Variants in ZMAT1 observed in about 807,000 individuals in gnomAD.
The protein encoded by ZMAT1 is zinc finger matrin-type 1, also known as zinc finger matrin-type protein 1.
ZMAT1 carries 11 observed loss-of-function variants against 18.5 expected under a neutral mutation model. That is an observed-to-expected ratio of 0.59 (90% confidence interval 0.37 to 0.98). The LOEUF is 0.98. Among genes scored for constraint, ZMAT1 ranks in the 50% least tolerant of loss-of-function variants. The pLI, the probability that ZMAT1 is intolerant of heterozygous loss-of-function variation, is 0.01. For synonymous variants in ZMAT1, 211 were observed against 176.4 expected, an observed-to-expected ratio of 1.20 and a Z score of -1.55; for missense variants, 525 against 496.2, an observed-to-expected ratio of 1.06 and a Z score of -0.55.
intron 4 of ZMAT1, among the ~76,000 whole-genome samples, chrX:101,892,372 A>G (rs1349715275): frequency 9.0e-6 from 1 of 111,669 alleles, no homozygotes; most frequent in East Asian, 2.8e-4. Context: ...TTGTTACAGC[A>G]TTAAGGTGTG....
chrX:101,905,733 T>C (rs1928568385), intron 1 of ZMAT1, among the ~76,000 whole-genome samples: 1 of 111,566 alleles, frequency 9.0e-6, no homozygotes, highest in Non-Finnish European at 1.9e-5. Context: ...TCTTAATTTT[T>C]GCAGAAAAGA....
intron 4 of ZMAT1, chrX:101,892,626 G>T: frequency 3.5e-6 from 1 of 289,113 alleles, no homozygotes; most frequent in Non-Finnish European, 4.7e-6. Context: ...GTGAAGGTGA[G>T]GCATCTGAGT....
intron 1 of ZMAT1, chrX:101,912,123 A>C: frequency 3.1e-4 from 287 of 914,594 alleles, no homozygotes; most frequent in Non-Finnish European, 3.7e-4. Flanking sequence ...GCCATAGCTC[A>C]TCCTTTTCTA....
At chrX:101,885,388 A>C (rs1379254769) in intron 5 of ZMAT1, among the ~76,000 whole-genome samples, 1 of 111,202 alleles carries the variant, frequency 9.0e-6, no homozygotes, top group African/African-American at 3.3e-5. Context: ...AAATCTAGCC[A>C]GGTGTGGTGT....
intron 2 of ZMAT1, among the ~76,000 whole-genome samples, chrX:101,898,698 C>T (rs1396559508): frequency 1.8e-5 from 2 of 111,812 alleles, no homozygotes; most frequent in Non-Finnish European, 3.8e-5. Flanking sequence ...GGAGTTTCAA[C>T]AGTCATCTTT....
At chrX:101,906,169 A>T (rs1426740439) in intron 1 of ZMAT1, among the ~76,000 whole-genome samples, 1 of 111,392 alleles carries the variant, frequency 9.0e-6, no homozygotes, top group Non-Finnish European at 1.9e-5. Context: ...GTACCAGTGG[A>T]CTCAGCCTCC....
chrX:101,902,927 T>C (rs1928350315), intron 2 of ZMAT1, among the ~76,000 whole-genome samples: 1 of 111,652 alleles, frequency 9.0e-6, no homozygotes, highest in African/African-American at 3.2e-5. Context: ...TATATGTGTG[T>C]GTGTGTGTTC....
intron 4 of ZMAT1, among the ~76,000 whole-genome samples, chrX:101,891,471 G>T (rs192907442): frequency 9.0e-6 from 1 of 111,235 alleles, no homozygotes; most frequent in African/African-American, 3.3e-5. Context: ...TTATATACAG[G>T]AGTATGAAAG....
At chrX:101,921,666 A>C (rs775009991) in intron 1 of ZMAT1, among the ~76,000 whole-genome samples, 2 of 112,122 alleles carry the variant, frequency 1.8e-5, no homozygotes, top group Middle Eastern at 4.6e-3. Flanking sequence ...ATATGGGTTG[A>C]TGGAGATCAA....
chrX:101,896,090 T>C (rs891617235), intron 4 of ZMAT1, among the ~76,000 whole-genome samples: 9 of 111,682 alleles, frequency 8.1e-5, no homozygotes, highest in Non-Finnish European at 1.3e-4. Flanking sequence ...GTCACCAAGT[T>C]TGATATGAGA....
Position 101,897,956 on chromosome X carries a change from G to C in ZMAT1, c.588C>G (p.His196Gln). Residue 196 changes from histidine (H) to glutamine (Q), a missense_variant, in exon 4 of 6, where the codon CAC becomes CAG. Transcript: ENST00000651725. Reference sequence around the variant, plus strand: ...TTTTAGCATGGACCTTTCCCACATAGTGAGACTGAGCAATAAGTGGAGAGC... The same window carrying C: ...TTTTAGCATGGACCTTTCCCACATACTGAGACTGAGCAATAAGTGGAGAGC... The part of the protein sequence containing the change: ...MFSSPLIAQS[H>Q]YVGKVHAKKL... 8.3e-7 allele frequency: 1 copy of C among 1,211,353 alleles called. No homozygotes were observed. The highest frequency in any genetic ancestry group is 1.1e-6 in the Non-Finnish European group (1 of 895,154).
chrX:101,885,856 C>CT (rs1376175118), intron 5 of ZMAT1, among the ~76,000 whole-genome samples: 1 of 110,007 alleles, frequency 9.1e-6, no homozygotes, highest in Non-Finnish European at 1.9e-5. Context: ...GCTAATTTTT[C>CT]TTTTTTCTCA....
intron 1 of ZMAT1, among the ~76,000 whole-genome samples, chrX:101,929,886 T>G (rs1256002242): frequency 9.0e-6 from 1 of 110,994 alleles, no homozygotes; most frequent in Non-Finnish European, 1.9e-5. Flanking sequence ...GTGGGGAGTT[T>G]TACTCCCTTA....
At chrX:101,896,624 A>G (rs901162069) in intron 4 of ZMAT1, among the ~76,000 whole-genome samples, 7 of 112,437 alleles carry the variant, frequency 6.2e-5, no homozygotes, top group Admixed American at 9.4e-5. Context: ...AAATTATACT[A>G]TGAGTTCAAA....
chrX:101,886,850 A>G, intron 4 of ZMAT1, 119 bp from the exon 5 acceptor site: 1 of 520,989 alleles, frequency 1.9e-6, no homozygotes, highest in Non-Finnish European at 3.1e-6. Flanking sequence ...TCCAATAAAG[A>G]TGGGGCCCAG....
chrX:101,931,995 G>T lies in ZMAT1; in HGVS notation c.14C>A (p.Pro5Gln), dbSNP rs1006595062. The change falls in exon 1 of 6, where the codon CCG becomes CAG. Residue 5 changes from proline (P) to glutamine (Q), a missense_variant. Transcript: ENST00000651725. MAAA[P>Q]STVTPLAAES... Reference sequence around the variant, plus strand: ...CGCCGCCAGCGGGGTGACTGTGCTCGGCGCCGCCGCCATCGCAGCGAGGCG... The same window carrying T: ...CGCCGCCAGCGGGGTGACTGTGCTCTGCGCCGCCGCCATCGCAGCGAGGCG... 1.3e-6 allele frequency: 1 copy of T among 767,982 alleles called. No individual in the cohort carries two copies. The highest frequency in any genetic ancestry group is 1.5e-6 in the Non-Finnish European group (1 of 648,354). 63.3% of individuals were successfully genotyped at this position (767,982 alleles called of 1,213,427 possible).
rs1231465040 is a variant in ZMAT1, at chrX:101,883,416, A to G, written c.*94T>C. The G allele has an allele frequency of 1.0e-5, 7 of 696,840 alleles. No individual in the cohort carries two copies. The Admixed American group carries it at 1.8e-4, about 18-fold the overall frequency. 57.4% of individuals were successfully genotyped at this position (696,840 alleles called of 1,213,427 possible). A position where few individuals can be genotyped will look rare whatever the true frequency, so the allele number is the denominator to read the frequency against. On this transcript the variant is annotated 3_prime_UTR_variant, in exon 6 of 6. Coordinates refer to ENST00000651725, the MANE Select transcript of ZMAT1 (RefSeq NM_001394560.1). ...TCCTGAAGTGACACTGACTGTATCT[A>G]CCTCTCCTTTTCTTCATCAGGTGTT...
Position 101,882,824 on chromosome X carries a change from G to T in ZMAT1, c.*686C>A, listed in dbSNP as rs1046774. On this transcript the variant is annotated 3_prime_UTR_variant, in exon 6 of 6. Coordinates refer to ENST00000651725, the MANE Select transcript of ZMAT1 (RefSeq NM_001394560.1). ...TCACTTGGCTTTTTTAGAGATTAAA[G>T]TAGCCATCCACCTAGAAAAATTACA... The T allele has an allele frequency of 1.8e-5, 2 of 110,009 alleles. No individual in the cohort carries two copies. Among genetic ancestry groups the T allele is most frequent in the African/African-American group, 6.6e-5 (2 of 30,323 alleles). 9.1% of individuals were successfully genotyped at this position (110,009 alleles called of 1,213,427 possible).
At chrX:101,908,963 C>G (rs1033696051) in intron 1 of ZMAT1, among the ~76,000 whole-genome samples, 1 of 109,625 alleles carries the variant, frequency 9.1e-6, no homozygotes, top group Non-Finnish European at 1.9e-5. Context: ...GAAATCACCC[C>G]TCCCTTAATC....
Sources: gnomAD v4.1 joint callset for allele counts (sites outside exome capture counted in the v4.1 genomes callset) on GRCh38, gnomAD v4.1.1 for gene constraint, MANE v1.5 for transcripts, NCBI Gene and HGNC (gene_info 2026-07-23, HGNC 2026-07-21) for gene names.